ANK3: variants seen among roughly 807,000 people sequenced by gnomAD.
ANK3 encodes ankyrin 3, also known as ankyrin-3.
In ANK3, 57 loss-of-function variants were observed where a neutral mutation model predicts 370.9. The observed-to-expected ratio is 0.15, with a 90% confidence interval of 0.12 to 0.19. ANK3 has a LOEUF of 0.19. Ranked by LOEUF, ANK3 falls within the 10% of genes least tolerant of loss-of-function variation. ANK3 has a pLI of 1.00. For synonymous variants in ANK3, 1,929 were observed against 1,946.3 expected (o/e 0.99, Z 0.23); for missense variants, 4,439 against 5,302.1 (o/e 0.84, Z 5.06).
chr10:60,104,901 C>A (rs2091950660), intron 28 of ANK3, among the ~76,000 whole-genome samples: 1 of 152,146 alleles, frequency 6.6e-6, no homozygotes, highest in South Asian at 2.1e-4. Flanking sequence ...AGGTAATCTC[C>A]ATTTTGCAGA....
At chr10:60,152,328 T>C (rs1482566679) in intron 23 of ANK3, among the ~76,000 whole-genome samples, 3 of 152,218 alleles carry the variant, frequency 2.0e-5, no homozygotes, top group African/African-American at 7.2e-5. Flanking sequence ...AGGTATTATC[T>C]CTGGTGGCTT....
intron 1 of ANK3, among the ~76,000 whole-genome samples, chr10:60,360,656 C>T (rs764483953): frequency 3.3e-5 from 5 of 152,020 alleles, no homozygotes; most frequent in Admixed American, 6.5e-5. Flanking sequence ...CTGCAGTTCA[C>T]GCCACTGTAC....
intron 1 of ANK3, among the ~76,000 whole-genome samples, chr10:60,308,540 T>TCAC (rs1475047805): frequency 4.6e-5 from 7 of 152,068 alleles, no homozygotes; most frequent in African/African-American, 1.7e-4. Flanking sequence ...CCTCCCAAAT[T>TCAC]GCTGGGATTA....
At position 60,409,556 on chromosome 10, in the gene ANK3, T is replaced by C. The variant is rs1019827302; in HGVS notation, c.97-129917A>G. 5.9e-5 allele frequency among the ~76,000 whole-genome samples: 9 copies of C among 152,188 alleles called. No individual in the cohort carries two copies. In the East Asian group the frequency reaches 1.7e-3, roughly 29 times the overall value. The stretch of plus-strand genomic sequence containing the variant: ...TTACAAAGTAGCTTTTGCAGAAGAG[T>C]TCCTTTTGCAAAAGGAGTCGGGCTC... On this transcript the variant is annotated intron_variant, in intron 2 of 43. Coordinates refer to the ANK3 transcript ENST00000373827.
chr10:60,165,439 T>C (rs982185152), intron 23 of ANK3, among the ~76,000 whole-genome samples: 5 of 152,184 alleles, frequency 3.3e-5, no homozygotes, highest in Non-Finnish European at 5.9e-5. Context: ...TAAAAGCCTT[T>C]AGCATTTATC....
At chr10:60,571,661 T>C (rs2077603473) in intron 2 of ANK3, among the ~76,000 whole-genome samples, 1 of 152,228 alleles carries the variant, frequency 6.6e-6, no homozygotes, top group Non-Finnish European at 1.5e-5. Flanking sequence ...ACAACTGTCT[T>C]TTCCATTGGT....
In ANK3 at chr10:60,086,018, C is replaced by A. The variant is rs7085267; in HGVS notation, c.3748+659G>T. Among the ~76,000 whole-genome samples the A allele has an allele frequency of 9.5e-3, 1,454 of 152,262 alleles. 22 individuals are homozygous for A. The highest frequency in any genetic ancestry group is 0.033 in the African/African-American group (1,391 of 41,542). Reference sequence around the variant, plus strand: ...ACCGAGGGTAAAAAGGGGCATCAGCCATTAAAATTACTCCTCAGAGAACAA... The same window carrying A: ...ACCGAGGGTAAAAAGGGGCATCAGCAATTAAAATTACTCCTCAGAGAACAA... On this transcript the variant is annotated intron_variant, in intron 30 of 43. Transcript: ENST00000280772.
chr10:60,529,389 G>A (rs1483613224), intron 2 of ANK3, among the ~76,000 whole-genome samples: 1 of 152,150 alleles, frequency 6.6e-6, no homozygotes, highest in African/African-American at 2.4e-5. Context: ...GATGCACATG[G>A]TGGAAGAGGC....
intron 1 of ANK3, among the ~76,000 whole-genome samples, chr10:60,375,349 A>T (rs1166646425): frequency 6.6e-6 from 1 of 152,146 alleles, no homozygotes; most frequent in African/African-American, 2.4e-5. Context: ...TCCCTGAGAA[A>T]CTGCATATGA....
At chr10:60,267,895 T>C (rs947168980) in intron 5 of ANK3, among the ~76,000 whole-genome samples, 12 of 152,230 alleles carry the variant, frequency 7.9e-5, no homozygotes, top group Non-Finnish European at 1.6e-4. Context: ...TCTCTGCCTG[T>C]CTCTATTTCC....
chr10:60,580,861 A>G (rs1441344127), intron 2 of ANK3, among the ~76,000 whole-genome samples: 1 of 152,216 alleles, frequency 6.6e-6, no homozygotes, highest in African/African-American at 2.4e-5. Context: ...AAAATTATGA[A>G]AGAAATGAAC....
At chr10:60,475,044 T>C (rs1461685628) in intron 2 of ANK3, among the ~76,000 whole-genome samples, 1 of 152,148 alleles carries the variant, frequency 6.6e-6, no homozygotes, top group Non-Finnish European at 1.5e-5. Flanking sequence ...TGTGTGTCAT[T>C]CAGGAGCTAC....
At chr10:60,561,213 C>T (rs2077326710) in intron 2 of ANK3, among the ~76,000 whole-genome samples, 1 of 152,206 alleles carries the variant, frequency 6.6e-6, no homozygotes, top group African/African-American at 2.4e-5. Flanking sequence ...AAATATGACA[C>T]AAATGCATGG....
chr10:60,440,872 A>G (rs1352041110), intron 2 of ANK3, among the ~76,000 whole-genome samples: 1 of 152,160 alleles, frequency 6.6e-6, no homozygotes, highest in Non-Finnish European at 1.5e-5. Context: ...TAGCCTCAAC[A>G]ATTGGAACTA....
At chr10:60,632,408 A>C (rs1346614633) in intron 1 of ANK3, among the ~76,000 whole-genome samples, 2 of 152,102 alleles carry the variant, frequency 1.3e-5, no homozygotes, top group African/African-American at 2.4e-5. Flanking sequence ...AAAAAAAAAC[A>C]GATTTAGGAA....
intron 43 of ANK3, 142 bp downstream of exon 43, chr10:60,042,530 T>A: frequency 1.2e-6 from 1 of 853,034 alleles, no homozygotes; most frequent in Non-Finnish European, 1.8e-6. Flanking sequence ...TCAACAGAAC[T>A]TGAACAACTT....
At chr10:60,421,702 G>T (rs1206510466) in intron 2 of ANK3, among the ~76,000 whole-genome samples, 1 of 151,854 alleles carries the variant, frequency 6.6e-6, no homozygotes, top group Non-Finnish European at 1.5e-5. Flanking sequence ...GCACTCCAAG[G>T]GTGTGTTAAT....
intron 1 of ANK3, among the ~76,000 whole-genome samples, chr10:60,340,476 A>G (rs1015204367): frequency 6.6e-6 from 1 of 152,022 alleles, no homozygotes; most frequent in African/African-American, 2.4e-5. Context: ...AAGTGGTGCA[A>G]TCTCAGCTCA....
At position 60,157,886 on chromosome 10, in the gene ANK3, A is replaced by AAGAGAGAGAGAGAG. The variant is rs59965251; in HGVS notation, c.2614+8691_2614+8704dup. Among the ~76,000 whole-genome samples, 41 of 132,860 alleles carry AAGAGAGAGAGAGAG rather than the reference A, an allele frequency of 3.1e-4. 2 individuals are homozygous for AAGAGAGAGAGAGAG. The East Asian group carries it at 7.3e-3, about 24-fold the overall frequency. 87.2% of individuals were successfully genotyped at this position (132,860 alleles called of 152,430 possible). A position where few individuals can be genotyped will look rare whatever the true frequency, so the allele number is the denominator to read the frequency against. ...GGAGAGACAGAGAGAGAGAGAGAAA[A>AAGAGAGAGAGAGAG]AGAGAGAGAGAGAGAGAGAGAGAGA... On this transcript the variant is annotated intron_variant, in intron 23 of 43. Coordinates refer to ENST00000280772, the MANE Select transcript of ANK3 (RefSeq NM_020987.5).
Sources: allele counts gnomAD v4.1 joint callset (sites outside exome capture counted in the v4.1 genomes callset), GRCh38; gene constraint gnomAD v4.1.1; transcripts MANE v1.5; gene names NCBI Gene and HGNC (gene_info 2026-07-23, HGNC 2026-07-21).